Variants in SYNE2 observed in about 807,000 individuals in gnomAD.
SYNE2 encodes nesprin-2.
SYNE2 carries 431 observed loss-of-function variants against 856.3 expected under a neutral mutation model. The observed-to-expected ratio is 0.50, with a 90% CI of 0.47 to 0.55. The LOEUF is 0.55. Ranked by LOEUF, SYNE2 falls within the 20% of genes least tolerant of loss-of-function variation. The pLI is 0.00. For synonymous variants in SYNE2, 2,923 were observed against 2,872.3 expected (o/e 1.02, Z -0.56); for missense variants, 8,129 against 8,023.2 (o/e 1.01, Z -0.50).
At chr14:64,116,436 T>C (rs943987616) in intron 66 of SYNE2, among the ~76,000 whole-genome samples, 3 of 152,206 alleles carry the variant, frequency 2.0e-5, no homozygotes, top group Admixed American at 6.5e-5. Flanking sequence ...TACTTTTTTT[T>C]TGAGGTGAAG....
intron 66 of SYNE2, among the ~76,000 whole-genome samples, chr14:64,113,831 T>C (rs2097832220): frequency 6.6e-6 from 1 of 152,182 alleles, no homozygotes; most frequent in Admixed American, 6.5e-5. Context: ...GGAAGTGAAC[T>C]TCTCAGCCTC....
intron 73 of SYNE2, among the ~76,000 whole-genome samples, chr14:64,127,937 T>C (rs147105639): frequency 2.1e-4 from 32 of 152,182 alleles, no homozygotes; most frequent in African/African-American, 7.0e-4. Context: ...ACAAAAAAAG[T>C]GGTCAGGGAT....
At chr14:63,771,058 TA>T (rs2139705016) in intron 1 of SYNE2, among the ~76,000 whole-genome samples, 1 of 149,716 alleles carries the variant, frequency 6.7e-6, no homozygotes, top group African/African-American at 2.5e-5. Context: ...CAGAAACCCT[TA>T]TACACTCTTT....
chr14:64,220,670 C>G, intron 111 of SYNE2, 33 bp downstream of exon 111: 1 of 1,610,588 alleles, frequency 6.2e-7, no homozygotes, highest in African/African-American at 1.3e-5. Flanking sequence ...CTCCCAGAGC[C>G]GGTACCCAGG....
chr14:63,963,673 G>A (rs1376663178), intron 9 of SYNE2, among the ~76,000 whole-genome samples: 2 of 152,174 alleles, frequency 1.3e-5, no homozygotes, highest in African/African-American at 4.8e-5. Context: ...GGGAGGGGGT[G>A]TGTTGCTTGC....
intron 10 of SYNE2, among the ~76,000 whole-genome samples, chr14:63,967,081 G>C (rs2096403795): frequency 6.6e-6 from 1 of 151,906 alleles, no homozygotes. Flanking sequence ...GGCCAGGATG[G>C]TCTCAATCTC....
Position 64,177,428 on chromosome 14 carries a change from A to T in SYNE2, c.17501A>T (p.Glu5834Val). 1 of 1,614,192 alleles carries T rather than the reference A, an allele frequency of 6.2e-7. No homozygotes were observed. Among genetic ancestry groups the T allele is most frequent in the Non-Finnish European group, 8.5e-7 (1 of 1,180,020 alleles). Reference protein sequence around the residue: ...SRLQVLKAQSEDPLPELHEDL... With the variant: ...SRLQVLKAQSVDPLPELHEDL... The stretch of plus-strand genomic sequence containing the variant: ...CTGCAAGTTTTAAAGGCACAAAGTG[A>T]AGATCCTCTTCCAGAGCTTCACGAG... Residue 5834 changes from glutamate to valine, a missense_variant, in exon 96 of 116, where the codon GAA becomes GTA. Physicochemically the swap from Glu to Val is moderately radical, Grantham distance 121. Transcript: ENST00000555002.
intron 8 of SYNE2, chr14:63,956,302 A>G (rs1470331848): frequency 4.7e-6 from 2 of 423,296 alleles, no homozygotes; most frequent in Admixed American, 5.0e-5. Flanking sequence ...TCAGGAGCAT[A>G]TAGTTAATAG....
At position 64,220,424 on chromosome 14, in the gene SYNE2, C is replaced by A; in HGVS notation, c.19861-13C>A. The A allele has an allele frequency of 6.2e-7, 1 of 1,614,082 alleles. No individual in the cohort carries two copies. The highest frequency in any genetic ancestry group is 8.5e-7 in the Non-Finnish European group (1 of 1,179,894). On this transcript the variant is annotated splice_polypyrimidine_tract_variant and intron_variant, in intron 110 of 115. Transcript: ENST00000555002. ...TTCAGAGCTCCTAACCTCATCTTTT[C>A]TCTCTCTGGTAGGAGATACTGAAAG...
At chr14:63,834,462 CTGATAATA>C (rs1889778259) in intron 1 of SYNE2, among the ~76,000 whole-genome samples, 1 of 152,056 alleles carries the variant, frequency 6.6e-6, no homozygotes, top group Non-Finnish European at 1.5e-5. Context: ...GAAATTTACT[CTGATAATA>C]ACAACACAAC....
At chr14:63,892,206 A>G (rs899987133) in intron 1 of SYNE2, among the ~76,000 whole-genome samples, 3 of 131,238 alleles carry the variant, frequency 2.3e-5, no homozygotes, top group African/African-American at 7.5e-5. Context: ...TATTATTCAA[A>G]CGCTTGACAA....
chr14:64,110,368 A>G (rs531613108), intron 65 of SYNE2, among the ~76,000 whole-genome samples: 1 of 152,276 alleles, frequency 6.6e-6, no homozygotes, highest in East Asian at 1.9e-4. Context: ...GTTAACTTGG[A>G]TACTAAAAGG....
At chr14:64,047,866 G>T in intron 45 of SYNE2, 134 bp from the exon 46 acceptor site, 1 of 935,234 alleles carries the variant, frequency 1.1e-6, no homozygotes, top group Non-Finnish European at 1.6e-6. Context: ...ATCATCTTTC[G>T]TAGTGCCCAA....
intron 41 of SYNE2, among the ~76,000 whole-genome samples, chr14:64,025,951 A>C (rs924264137): frequency 6.6e-6 from 1 of 152,142 alleles, no homozygotes; most frequent in East Asian, 1.9e-4. Flanking sequence ...TTAAAAATTC[A>C]ATCACTAGAT....
At chr14:63,775,224 C>T (rs1047420918) in intron 1 of SYNE2, among the ~76,000 whole-genome samples, 1 of 152,114 alleles carries the variant, frequency 6.6e-6, no homozygotes, top group Non-Finnish European at 1.5e-5. Flanking sequence ...GATCCACCAC[C>T]TCGGCCTCCC....
intron 50 of SYNE2, among the ~76,000 whole-genome samples, chr14:64,063,570 T>C (rs1406925603): frequency 6.6e-6 from 1 of 152,254 alleles, no homozygotes; most frequent in African/African-American, 2.4e-5. Context: ...TGTCATAAGC[T>C]CTGAATTCTG....
chr14:63,898,128 C>G (rs540421640), intron 1 of SYNE2, among the ~76,000 whole-genome samples: 2 of 152,158 alleles, frequency 1.3e-5, no homozygotes. Flanking sequence ...TTCAGCCTCA[C>G]TGAGACAGCA....
At chr14:63,836,932 A>C (rs1889876238) in intron 1 of SYNE2, among the ~76,000 whole-genome samples, 1 of 152,238 alleles carries the variant, frequency 6.6e-6, no homozygotes, top group African/African-American at 2.4e-5. Context: ...GTTATAGTAG[A>C]TTCATTTTCA....
At chr14:63,761,861 G>C (rs958353507), upstream of SYNE2, among the ~76,000 whole-genome samples, 1 of 152,184 alleles carries the variant, frequency 6.6e-6, no homozygotes, top group African/African-American at 2.4e-5. Flanking sequence ...CTCTCCCAGA[G>C]TCAGGCGTGT....
Sources: allele counts gnomAD v4.1 joint callset (sites outside exome capture counted in the v4.1 genomes callset), GRCh38; gene constraint gnomAD v4.1.1; transcripts MANE v1.5; gene names NCBI Gene and HGNC (gene_info 2026-07-23, HGNC 2026-07-21).